FSTL5: variants seen among roughly 807,000 people sequenced by gnomAD.
FSTL5 encodes follistatin-related protein 5.
A neutral mutation model predicts 89.1 loss-of-function variants in FSTL5; 62 were observed. The ratio of observed to expected loss-of-function variants is 0.70; its 90% CI spans 0.57 to 0.86. The LOEUF (loss-of-function observed/expected upper bound fraction) is 0.86. Among genes scored for constraint, FSTL5 ranks in the 40% least tolerant of loss-of-function variants. FSTL5 has a pLI of 0.00. For missense variants in FSTL5, 1,057 were observed against 1,001.6 expected (o/e 1.06, Z -0.75); for synonymous variants, 383 against 346.2 (o/e 1.11, Z -1.18).
intron 1 of FSTL5, among the ~76,000 whole-genome samples, chr4:162,116,828 C>T (rs531118385): frequency 3.3e-5 from 5 of 152,336 alleles, no homozygotes; most frequent in African/African-American, 1.2e-4. Flanking sequence ...GAAAACTCCT[C>T]ACCCTGTCCT....
intron 11 of FSTL5, among the ~76,000 whole-genome samples, chr4:161,503,552 G>A (rs1730374339): frequency 6.6e-6 from 1 of 151,910 alleles, no homozygotes; most frequent in South Asian, 2.1e-4. Flanking sequence ...CATTTATTAT[G>A]AAAACAAATA....
intron 12 of FSTL5, among the ~76,000 whole-genome samples, chr4:161,483,820 A>G (rs1419448448): frequency 6.6e-6 from 1 of 152,142 alleles, no homozygotes; most frequent in Non-Finnish European, 1.5e-5. Flanking sequence ...GCTGCCAGGG[A>G]TTATATCAAA....
intron 4 of FSTL5, among the ~76,000 whole-genome samples, chr4:161,874,940 C>T (rs920244056): frequency 1.1e-4 from 16 of 151,956 alleles, no homozygotes; most frequent in Middle Eastern, 3.4e-3. Flanking sequence ...TACATATATA[C>T]ACACACACAC....
Position 161,481,167 on chromosome 4 carries a change from A to G in FSTL5, c.1461T>C (p.Asp487=). ...KPSEKLLGFQ[D]EVCPKAEGDE... ...CTCCCTCAGCTTTGGGACAGACTTCATCCTGTAATTTAGGAAAGAGAAAAT... is the reference window on the plus strand; with the variant it reads ...CTCCCTCAGCTTTGGGACAGACTTCGTCCTGTAATTTAGGAAAGAGAAAAT... The change falls in exon 13 of 16, where the codon GAT becomes GAC. Residue 487 remains aspartate, a splice_region_variant and synonymous_variant. Transcript: ENST00000306100. 1 of 1,596,838 alleles carries G rather than the reference A, an allele frequency of 6.3e-7. No individual in the cohort carries two copies. The highest frequency in any genetic ancestry group is 8.5e-7 in the Non-Finnish European group (1 of 1,172,386).
At chr4:161,687,015 A>G (rs765620072) in intron 6 of FSTL5, among the ~76,000 whole-genome samples, 1 of 151,556 alleles carries the variant, frequency 6.6e-6, no homozygotes, top group Non-Finnish European at 1.5e-5. Flanking sequence ...AACACACCCC[A>G]CACACAAACA....
intron 3 of FSTL5, among the ~76,000 whole-genome samples, chr4:161,960,758 C>T (rs1337778880): frequency 1.3e-5 from 2 of 151,490 alleles, no homozygotes; most frequent in East Asian, 1.9e-4. Flanking sequence ...AGCTGTTTTC[C>T]ACCAATACAA....
At chr4:161,848,633 A>G (rs1410307152) in intron 4 of FSTL5, among the ~76,000 whole-genome samples, 2 of 152,152 alleles carry the variant, frequency 1.3e-5, no homozygotes, top group African/African-American at 2.4e-5. Flanking sequence ...AATGCGAATA[A>G]TTAGAAAAGC....
intron 13 of FSTL5, among the ~76,000 whole-genome samples, chr4:161,469,356 T>A (rs1733854991): frequency 6.6e-6 from 1 of 152,234 alleles, no homozygotes; most frequent in Admixed American, 6.5e-5. Context: ...ATGATAATTC[T>A]ACTTTTAATT....
At chr4:161,428,319 T>A (rs1455519114) in intron 15 of FSTL5, among the ~76,000 whole-genome samples, 1 of 152,164 alleles carries the variant, frequency 6.6e-6, no homozygotes, top group African/African-American at 2.4e-5. Flanking sequence ...CTTGGGCACA[T>A]CTGGGTGCTG....
chr4:161,443,803 A>C (rs1000907768), intron 15 of FSTL5, among the ~76,000 whole-genome samples: 3 of 151,922 alleles, frequency 2.0e-5, no homozygotes, highest in Admixed American at 6.6e-5. Flanking sequence ...CACTGTAGAC[A>C]AAATGAGTAA....
intron 2 of FSTL5, among the ~76,000 whole-genome samples, chr4:162,104,491 T>C (rs182832039): frequency 6.6e-6 from 1 of 152,260 alleles, no homozygotes; most frequent in East Asian, 1.9e-4. Context: ...AACACTATAA[T>C]AAAGAGAATG....
chr4:161,888,241 G>A (rs574140111), intron 4 of FSTL5, among the ~76,000 whole-genome samples: 4 of 152,268 alleles, frequency 2.6e-5, no homozygotes, highest in Non-Finnish European at 4.4e-5. Context: ...ATAGAGTAAT[G>A]TGTGCCACTT....
At chr4:162,080,134 C>T (rs1349063081) in intron 2 of FSTL5, among the ~76,000 whole-genome samples, 1 of 151,564 alleles carries the variant, frequency 6.6e-6, no homozygotes, top group Non-Finnish European at 1.5e-5. Flanking sequence ...TACTGAGCAA[C>T]GTCTCTTGAA....
At chr4:161,389,681 C>T (rs1334544771) in intron 15 of FSTL5, among the ~76,000 whole-genome samples, 4 of 152,024 alleles carry the variant, frequency 2.6e-5, no homozygotes, top group Admixed American at 1.3e-4. Flanking sequence ...TTCCAATTTC[C>T]TCATCAGCAG....
chr4:162,083,676 T>C (rs1730191640), intron 2 of FSTL5, among the ~76,000 whole-genome samples: 1 of 151,764 alleles, frequency 6.6e-6, no homozygotes, highest in African/African-American at 2.4e-5. Flanking sequence ...CTGAAATACT[T>C]GCAAGGAATA....
intron 4 of FSTL5, among the ~76,000 whole-genome samples, chr4:161,876,810 A>G (rs1732458560): frequency 6.6e-6 from 1 of 152,108 alleles, no homozygotes; most frequent in East Asian, 1.9e-4. Context: ...ATTATTTCCT[A>G]TTATATATTA....
At chr4:161,778,867 AG>A (rs1741517931) in intron 4 of FSTL5, among the ~76,000 whole-genome samples, 1 of 152,228 alleles carries the variant, frequency 6.6e-6, no homozygotes, top group African/African-American at 2.4e-5. Flanking sequence ...TGCATCAGGA[AG>A]GAGAGAAATG....
At chr4:161,859,430 T>C (rs935636650) in intron 4 of FSTL5, among the ~76,000 whole-genome samples, 10 of 152,248 alleles carry the variant, frequency 6.6e-5, no homozygotes, top group African/African-American at 2.4e-4. Context: ...CTTTAGTGAA[T>C]TTTCCAGTTT....
At chr4:161,771,599 C>T (rs1459018489) in intron 5 of FSTL5, among the ~76,000 whole-genome samples, 1 of 152,116 alleles carries the variant, frequency 6.6e-6, no homozygotes, top group Admixed American at 6.6e-5. Context: ...TCCTTTGCTA[C>T]TTGAAATATT....
Sources: gnomAD v4.1 joint callset for allele counts (sites outside exome capture counted in the v4.1 genomes callset) on GRCh38, gnomAD v4.1.1 for gene constraint, MANE v1.5 for transcripts, NCBI Gene and HGNC (gene_info 2026-07-23, HGNC 2026-07-21) for gene names.